PPP2R2A: variants seen among roughly 807,000 people sequenced by gnomAD.
PPP2R2A encodes the protein serine/threonine-protein phosphatase 2A 55 kDa regulatory subunit B alpha isoform.
A neutral mutation model predicts 53.2 loss-of-function variants in PPP2R2A; 9 were observed. The observed-to-expected ratio is 0.17, with a 90% CI of 0.10 to 0.30. The LOEUF (loss-of-function observed/expected upper bound fraction) is 0.30, where lower values mean the gene tolerates loss of function less well. PPP2R2A is among the 10% of genes least tolerant of loss of function. The pLI is 1.00. For synonymous variants in PPP2R2A, 169 were observed against 174.2 expected (o/e 0.97, Z 0.23); for missense variants, 235 against 534.6 (o/e 0.44, Z 5.53).
In PPP2R2A at chr8:26,351,204, G is replaced by A. The variant is rs558242338; in HGVS notation, c.181-3264G>A. 5.3e-5 allele frequency among the ~76,000 whole-genome samples: 8 copies of A among 151,764 alleles called. No homozygotes were observed. The South Asian group carries it at 6.2e-4, about 12-fold the overall frequency. ...CCCAAAATCCAGGGAAGACATTTCC[G>A]TTATCTTTTAGAACTGTATGACTGG... On this transcript the variant is annotated intron_variant, in intron 3 of 9. Transcript: ENST00000380737.
chr8:26,365,969 T>A (rs927943910), intron 8 of PPP2R2A: 2 of 177,426 alleles, frequency 1.1e-5, no homozygotes, highest in Non-Finnish European at 2.3e-5. Context: ...AAGCCAAGAA[T>A]AGTGATATTC....
At chr8:26,334,520 C>T (rs1433015919) in intron 2 of PPP2R2A, among the ~76,000 whole-genome samples, 1 of 151,994 alleles carries the variant, frequency 6.6e-6, no homozygotes, top group African/African-American at 2.4e-5. Context: ...CCGAGGTAGG[C>T]GGATCACAAG....
At chr8:26,367,579 TTC>T (rs774779407) in intron 9 of PPP2R2A, among the ~76,000 whole-genome samples, 12 of 152,382 alleles carry the variant, frequency 7.9e-5, no homozygotes, top group African/African-American at 1.9e-4. Context: ...ACGTGTTCTA[TTC>T]TCTGTTTATT....
At chr8:26,356,711 T>C (rs1486876071) in intron 4 of PPP2R2A, among the ~76,000 whole-genome samples, 2 of 152,246 alleles carry the variant, frequency 1.3e-5, no homozygotes, top group Admixed American at 1.3e-4. Context: ...TATATTGGAA[T>C]ATTTTTATGT....
chr8:26,348,220 T>C (rs962385013), intron 3 of PPP2R2A, among the ~76,000 whole-genome samples: 2 of 152,210 alleles, frequency 1.3e-5, no homozygotes, highest in African/African-American at 4.8e-5. Flanking sequence ...TAAAATACAT[T>C]TATTATTTTC....
intron 8 of PPP2R2A, 72 bp downstream of exon 8, chr8:26,363,962 T>TA: frequency 7.4e-7 from 1 of 1,356,318 alleles, no homozygotes; most frequent in East Asian, 2.3e-5. Context: ...AGGATTTTGT[T>TA]ACTAGGTTTT....
At chr8:26,322,287 A>G (rs1479208752) in intron 2 of PPP2R2A, among the ~76,000 whole-genome samples, 1 of 152,238 alleles carries the variant, frequency 6.6e-6, no homozygotes, top group Admixed American at 6.5e-5. Context: ...AATTGTAACA[A>G]AAATATAAGG....
At chr8:26,334,530 G>T (rs1433213873) in intron 2 of PPP2R2A, among the ~76,000 whole-genome samples, 1 of 152,124 alleles carries the variant, frequency 6.6e-6, no homozygotes, top group Non-Finnish European at 1.5e-5. Flanking sequence ...CGGATCACAA[G>T]GTCAGGAGAT....
intron 2 of PPP2R2A, among the ~76,000 whole-genome samples, chr8:26,306,799 G>A (rs918067120): frequency 2.6e-5 from 4 of 152,096 alleles, no homozygotes; most frequent in Admixed American, 6.5e-5. Flanking sequence ...AGCCATGATC[G>A]TGCCACTACA....
Position 26,370,101 on chromosome 8 carries a change from T to C in PPP2R2A, c.1065-33T>C, listed in dbSNP as rs753325304. The C allele has an allele frequency of 9.7e-5, 154 of 1,583,160 alleles. 1 individual carries two copies. Among genetic ancestry groups the C allele is most frequent in the Non-Finnish European group, 1.1e-4 (130 of 1,159,896 alleles). ...ACTTGAAAACAATTTCTTGTTCTGC[T>C]TGTTTGACTGAGTGTACTGTCTATT... On this transcript the variant is annotated intron_variant, in intron 9 of 9. Transcript: ENST00000380737. This position sits in a 1 kb window ranked among gnomAD's most constrained non-coding sequence, Gnocchi z 6.1.
intron 4 of PPP2R2A, among the ~76,000 whole-genome samples, chr8:26,359,653 A>G (rs1355313659): frequency 6.6e-6 from 1 of 152,068 alleles, no homozygotes; most frequent in African/African-American, 2.4e-5. Context: ...GAAAGGTTTT[A>G]AAAAGGAGGC....
chr8:26,347,332 G>A (rs1437389740), intron 3 of PPP2R2A, among the ~76,000 whole-genome samples: 1 of 151,806 alleles, frequency 6.6e-6, no homozygotes, highest in Non-Finnish European at 1.5e-5. Context: ...GTTGTTGATA[G>A]AACTGGGGAA....
At chr8:26,292,486 T>A (rs1348011006) in intron 1 of PPP2R2A, 2 of 967,400 alleles carry the variant, frequency 2.1e-6, no homozygotes, top group Non-Finnish European at 2.5e-6. Flanking sequence ...GCGTTTAGCA[T>A]GTTAGCTTTT....
intron 2 of PPP2R2A, among the ~76,000 whole-genome samples, chr8:26,332,378 A>C (rs973322307): frequency 6.6e-6 from 1 of 150,640 alleles, no homozygotes; most frequent in Admixed American, 6.6e-5. Flanking sequence ...AAAAAAAAAA[A>C]AAGAAGAAGA....
rs745707921 is a variant in PPP2R2A at position 26,366,350 on chromosome 8, G to C, written c.1008G>C (p.Leu336=). ...ACCTCAGAAGTAAACTCTGTTCACT[G>C]TATGAAAATGACTGCATATTTGACA... ...HEYLRSKLCS[L]YENDCIFDKF... Residue 336 remains leucine (L), a synonymous_variant, in exon 9 of 10, where the codon CTG becomes CTC. Transcript: ENST00000380737. 19 of 1,605,092 alleles carry C rather than the reference G, an allele frequency of 1.2e-5. No individual in the cohort carries two copies. The highest frequency in any genetic ancestry group is 1.6e-5 in the Non-Finnish European group (19 of 1,177,052).
intron 2 of PPP2R2A, among the ~76,000 whole-genome samples, chr8:26,328,211 A>G (rs1585362178): frequency 6.6e-6 from 1 of 152,174 alleles, no homozygotes; most frequent in East Asian, 1.9e-4. Context: ...TATGTCAAGG[A>G]GTTAGTTATG....
chr8:26,322,030 G>A (rs988623855), intron 2 of PPP2R2A, among the ~76,000 whole-genome samples: 1 of 152,174 alleles, frequency 6.6e-6, no homozygotes, highest in African/African-American at 2.4e-5. Context: ...TCCAGATTCA[G>A]TAGGTACTGT....
chr8:26,319,806 T>C (rs975560117), intron 2 of PPP2R2A, among the ~76,000 whole-genome samples: 8 of 152,190 alleles, frequency 5.3e-5, no homozygotes, highest in African/African-American at 1.9e-4. Context: ...TGGAATGTCT[T>C]TTCATTTATT....
intron 2 of PPP2R2A, among the ~76,000 whole-genome samples, chr8:26,298,806 CTTG>C (rs1801656235): frequency 6.6e-6 from 1 of 152,136 alleles, no homozygotes; most frequent in Non-Finnish European, 1.5e-5. Context: ...TAATGTAATA[CTTG>C]TTTTTAAAAT....
Sources: allele counts gnomAD v4.1 joint callset (sites outside exome capture counted in the v4.1 genomes callset), GRCh38; gene constraint gnomAD v4.1.1; non-coding constraint Gnocchi (gnomAD v3.1); transcripts MANE v1.5; gene names NCBI Gene and HGNC (gene_info 2026-07-23, HGNC 2026-07-21).